Variants in TLN2 observed in about 807,000 individuals in gnomAD.
The protein encoded by TLN2 is talin-2.
TLN2 carries 118 observed loss-of-function variants against 294.7 expected under a neutral mutation model. The observed-to-expected ratio is 0.40, with a 90% CI of 0.34 to 0.47. TLN2 has a LOEUF of 0.47. Ranked by LOEUF, TLN2 falls within the 20% of genes least tolerant of loss-of-function variation. TLN2 has a pLI of 0.84. For missense variants in TLN2, 3,083 were observed against 3,282.2 expected (o/e 0.94, Z 1.48); for synonymous variants, 1,431 against 1,304.5 (o/e 1.10, Z -2.09).
chr15:62,825,738 TTA>T (rs1309451517), intron 54 of TLN2, among the ~76,000 whole-genome samples: 2 of 109,990 alleles, frequency 1.8e-5, no homozygotes, highest in African/African-American at 8.7e-5. Context: ...AAATATATTT[TTA>T]TATATATTAA....
At chr15:62,684,611 T>A (rs146372871) in intron 11 of TLN2, among the ~76,000 whole-genome samples, 1 of 152,216 alleles carries the variant, frequency 6.6e-6, no homozygotes, top group East Asian at 1.9e-4. Flanking sequence ...ATCTGAGGGT[T>A]ACCAGATGCC....
At chr15:62,750,844 G>T (rs1413939838) in intron 34 of TLN2, among the ~76,000 whole-genome samples, 3 of 152,042 alleles carry the variant, frequency 2.0e-5, no homozygotes, top group African/African-American at 7.2e-5. Flanking sequence ...GGGTCTTATT[G>T]TAAGTCAAAT....
intron 48 of TLN2, among the ~76,000 whole-genome samples, chr15:62,798,380 C>G (rs2065676183): frequency 6.6e-6 from 1 of 152,252 alleles, no homozygotes; most frequent in African/African-American, 2.4e-5. Context: ...GGACAGTCAC[C>G]ACAGTTTGCT....
rs147465301 is a variant in TLN2, at chr15:62,737,842, C to T, written c.3568-372C>T. Among the ~76,000 whole-genome samples, 125 of 152,264 alleles carry T rather than the reference C, an allele frequency of 8.2e-4. 1 individual carries two copies. The highest frequency in any genetic ancestry group is 1.6e-3 in the Non-Finnish European group (107 of 68,022). ...CCACCTCGGCGACCTCAGCAGGGCT[C>T]CCAAGAAGGGAGATATTTTCATTTC... On this transcript the variant is annotated intron_variant, in intron 29 of 58. Coordinates refer to ENST00000636159, the MANE Select transcript of TLN2 (RefSeq NM_015059.3).
intron 37 of TLN2, among the ~76,000 whole-genome samples, chr15:62,760,628 A>T (rs2062600148): frequency 6.6e-6 from 1 of 152,086 alleles, no homozygotes; most frequent in Admixed American, 6.5e-5. Flanking sequence ...AACAGTCTTG[A>T]TCCTGAGGAG....
intron 1 of TLN2, among the ~76,000 whole-genome samples, chr15:62,504,486 A>G (rs569386314): frequency 6.6e-6 from 1 of 152,134 alleles, no homozygotes; most frequent in South Asian, 2.1e-4. Flanking sequence ...GCCATATTAG[A>G]TGGATGGAAC....
At chr15:62,412,658 A>G (rs555483175) in intron 1 of TLN2, among the ~76,000 whole-genome samples, 10 of 152,326 alleles carry the variant, frequency 6.6e-5, no homozygotes, top group African/African-American at 2.4e-4. Flanking sequence ...GGTTTACATC[A>G]TACCAGCAGT....
At chr15:62,510,722 T>C (rs917877389) in intron 1 of TLN2, among the ~76,000 whole-genome samples, 7 of 152,236 alleles carry the variant, frequency 4.6e-5, no homozygotes, top group African/African-American at 1.7e-4. Flanking sequence ...AGTGAGTGCC[T>C]GGGCACCAAG....
intron 3 of TLN2, among the ~76,000 whole-genome samples, chr15:62,642,434 G>C (rs1231558296): frequency 6.6e-6 from 1 of 152,226 alleles, no homozygotes; most frequent in African/African-American, 2.4e-5. Flanking sequence ...ACCATGAAAA[G>C]CCCGGAGAGG....
At chr15:62,580,589 T>C (rs548387549) in intron 1 of TLN2, among the ~76,000 whole-genome samples, 1 of 152,214 alleles carries the variant, frequency 6.6e-6, no homozygotes, top group East Asian at 1.9e-4. Flanking sequence ...TTTTGTATTT[T>C]TTGTAGAGAT....
At chr15:62,652,587 T>C (rs1325377882) in intron 6 of TLN2, among the ~76,000 whole-genome samples, 2 of 152,198 alleles carry the variant, frequency 1.3e-5, no homozygotes, top group African/African-American at 4.8e-5. Flanking sequence ...GAAAATAGAC[T>C]TACCTATCTT....
chr15:62,707,735 T>G (rs577161472), intron 20 of TLN2, among the ~76,000 whole-genome samples: 1 of 152,296 alleles, frequency 6.6e-6, no homozygotes, highest in East Asian at 1.9e-4. Flanking sequence ...TTAAGCACCA[T>G]TATCTCTAGT....
intron 1 of TLN2, among the ~76,000 whole-genome samples, chr15:62,423,135 TG>T (rs1187273857): frequency 6.6e-6 from 1 of 152,194 alleles, no homozygotes; most frequent in Non-Finnish European, 1.5e-5. Context: ...GGCTCACGCC[TG>T]TAATCCCAGC....
chr15:62,702,299 T>C (rs1237353135), intron 18 of TLN2, 99 bp downstream of exon 18: 1 of 1,301,628 alleles, frequency 7.7e-7, no homozygotes, highest in East Asian at 2.5e-5. Context: ...TCCTTGCGTC[T>C]TGATGGGGTG....
intron 1 of TLN2, among the ~76,000 whole-genome samples, chr15:62,485,512 C>T (rs1311182241): frequency 6.6e-6 from 1 of 152,192 alleles, no homozygotes; most frequent in Admixed American, 6.5e-5. Context: ...GTCATCCCTT[C>T]CCATGGGAAA....
At chr15:62,536,727 C>T (rs1415202690) in intron 1 of TLN2, among the ~76,000 whole-genome samples, 1 of 152,098 alleles carries the variant, frequency 6.6e-6, no homozygotes, top group Non-Finnish European at 1.5e-5. Context: ...GCTTTCCTGA[C>T]CGAGCTATTC....
intron 1 of TLN2, among the ~76,000 whole-genome samples, chr15:62,493,145 C>T (rs1427045708): frequency 6.6e-6 from 1 of 152,146 alleles, no homozygotes; most frequent in African/African-American, 2.4e-5. Context: ...AAGTCTGGTC[C>T]CTGAACAGCT....
At chr15:62,521,823 A>G (rs2040474938) in intron 1 of TLN2, among the ~76,000 whole-genome samples, 1 of 152,164 alleles carries the variant, frequency 6.6e-6, no homozygotes, top group Non-Finnish European at 1.5e-5. Context: ...GGCCATTTCA[A>G]TATATGTCAA....
At chr15:62,410,471 G>A (rs948179434) in intron 1 of TLN2, among the ~76,000 whole-genome samples, 42 of 152,214 alleles carry the variant, frequency 2.8e-4, no homozygotes, top group Middle Eastern at 3.4e-3. Context: ...TAAAAAAAAG[G>A]TATCAGAGGA....
Sources: gnomAD v4.1 joint callset for allele counts (sites outside exome capture counted in the v4.1 genomes callset) on GRCh38, gnomAD v4.1.1 for gene constraint, MANE v1.5 for transcripts, NCBI Gene and HGNC (gene_info 2026-07-23, HGNC 2026-07-21) for gene names.